The following IL12RB2 variants were observed in gnomAD, a reference collection of about 807,000 sequenced individuals.
IL12RB2 encodes the protein interleukin-12 receptor subunit beta-2.
IL12RB2 carries 82 observed loss-of-function variants against 89.4 expected under a neutral mutation model. The observed-to-expected ratio is 0.92, with a 90% CI of 0.77 to 1.10. The LOEUF (loss-of-function observed/expected upper bound fraction) is 1.10. Ranked by LOEUF, IL12RB2 falls within the 50% of genes least tolerant of loss-of-function variation. The pLI, the probability that IL12RB2 is intolerant of heterozygous loss-of-function variation, is 0.00. For synonymous variants in IL12RB2, 368 were observed against 370.1 expected, an observed-to-expected ratio of 0.99 and a Z score of 0.07; for missense variants, 963 against 1,031.9, an observed-to-expected ratio of 0.93 and a Z score of 0.92.
intron 4 of IL12RB2, among the ~76,000 whole-genome samples, chr1:67,325,246 G>A (rs1433528496): frequency 1.3e-5 from 2 of 152,296 alleles, no homozygotes; most frequent in South Asian, 2.1e-4. Context: ...GCCTCCAGTG[G>A]TTTTGTGTTG....
intron 1 of IL12RB2, among the ~76,000 whole-genome samples, chr1:67,313,026 T>C (rs768005544): frequency 1.3e-5 from 2 of 152,292 alleles, no homozygotes; most frequent in African/African-American, 2.4e-5. Flanking sequence ...GGGGCCGGTT[T>C]GATGATGGGG....
At chr1:67,326,132 G>A (rs1333610758) in intron 4 of IL12RB2, among the ~76,000 whole-genome samples, 3 of 152,166 alleles carry the variant, frequency 2.0e-5, no homozygotes, top group Non-Finnish European at 2.9e-5. Flanking sequence ...TAGCCCGGGA[G>A]GACATGACTG....
At chr1:67,314,806 G>A (rs1390381973) in intron 2 of IL12RB2, among the ~76,000 whole-genome samples, 4 of 152,064 alleles carry the variant, frequency 2.6e-5, no homozygotes, top group Non-Finnish European at 5.9e-5. Flanking sequence ...CCTACCGGTC[G>A]GTGTATTTCT....
intron 10 of IL12RB2, among the ~76,000 whole-genome samples, chr1:67,357,008 A>T: frequency 6.6e-6 from 1 of 152,208 alleles, no homozygotes; most frequent in Non-Finnish European, 1.5e-5. Context: ...TCAGCATGGA[A>T]TGTTTAGGGG....
At chr1:67,335,050 C>G (rs1025077924) in intron 8 of IL12RB2, among the ~76,000 whole-genome samples, 22 of 152,222 alleles carry the variant, frequency 1.4e-4, no homozygotes, top group African/African-American at 5.1e-4. Flanking sequence ...CTCTCCTTCA[C>G]TTGTTCTCCT....
chr1:67,333,570 T>C (rs1658380638), intron 8 of IL12RB2, among the ~76,000 whole-genome samples: 1 of 152,184 alleles, frequency 6.6e-6, no homozygotes, highest in Admixed American at 6.5e-5. Context: ...TAGGGCCCTT[T>C]ACTATGTCAT....
rs1355140635 is a variant in IL12RB2 at position 67,397,794 on chromosome 1, G to C, written c.*1705G>C. Among the ~76,000 whole-genome samples the C allele has an allele frequency of 6.6e-6, 1 of 152,194 alleles. No homozygotes were observed. The highest frequency in any genetic ancestry group is 1.5e-5 in the Non-Finnish European group (1 of 68,046). ...CCGTACCCCTTCCCACATGAACGCT[G>C]GAACTGAGATGGCTTCCCCATCATC... On this transcript the variant is annotated 3_prime_UTR_variant, in exon 17 of 17. Transcript: ENST00000674203.
Position 67,390,071 on chromosome 1 carries a change from C to A in IL12RB2, c.1989C>A (p.Ser663Arg). The change falls in exon 16 of 17, where the codon AGC becomes AGA. Residue 663 changes from serine to arginine, a missense_variant. By Grantham distance (110) the Ser-to-Arg change is moderately radical. Transcript: ENST00000674203. ...LLAALRPQWCSREIPDPANST... is the reference protein window; with the variant it reads ...LLAALRPQWCRREIPDPANST... ...CAGCCCTCAGACCTCAGTGGTGTAG[C>A]AGAGAAATTCCAGATCCAGCAAATA... 7.1e-7 allele frequency: 1 copy of A among 1,402,330 alleles called. No individual in the cohort carries two copies. Among genetic ancestry groups the A allele is most frequent in the Non-Finnish European group, 1.0e-6 (1 of 986,500 alleles). The allele number at this position is 1,402,330 out of a possible 1,614,324, so 86.9% of individuals were successfully genotyped here.
chr1:67,328,333 A>G lies in IL12RB2; in HGVS notation c.613A>G (p.Ser205Gly). Residue 205 changes from serine (S) to glycine (G), a missense_variant, in exon 6 of 17, where the codon AGT becomes GGT. By Grantham distance (56) the Ser-to-Gly change is moderately conservative. Transcript: ENST00000674203. ...CACAGCCAAGGTTACTGCTGTCAAT[A>G]GTCTTGGAAGCTCCTCTTCACTTCC... ...NFTAKVTAVN[S>G]LGSSSSLPST... The G allele has an allele frequency of 6.2e-7, 1 of 1,614,186 alleles. No individual in the cohort carries two copies. The highest frequency in any genetic ancestry group is 8.5e-7 in the Non-Finnish European group (1 of 1,180,028).
intron 16 of IL12RB2, among the ~76,000 whole-genome samples, chr1:67,394,780 C>T (rs1050593822): frequency 1.3e-5 from 2 of 152,150 alleles, no homozygotes; most frequent in Non-Finnish European, 2.9e-5. Flanking sequence ...TCCTCCTTGC[C>T]AGCACCTCCC....
chr1:67,371,971 C>T (rs576589355), intron 11 of IL12RB2, among the ~76,000 whole-genome samples: 1 of 152,316 alleles, frequency 6.6e-6, no homozygotes, highest in Admixed American at 6.5e-5. Context: ...TCCAGCCTCA[C>T]TTTCCTGTAA....
At chr1:67,393,957 T>C (rs1012031345) in intron 16 of IL12RB2, among the ~76,000 whole-genome samples, 2 of 152,128 alleles carry the variant, frequency 1.3e-5, no homozygotes, top group Non-Finnish European at 2.9e-5. Flanking sequence ...GCACAAAGTA[T>C]CACATGCCAA....
intron 13 of IL12RB2, among the ~76,000 whole-genome samples, chr1:67,373,878 T>G (rs761645321): frequency 1.3e-5 from 2 of 152,196 alleles, no homozygotes; most frequent in Non-Finnish European, 2.9e-5. Context: ...GATTTTCACC[T>G]GGGAAGCTTT....
rs548726737 is a variant in IL12RB2, at chr1:67,328,344, C to A, written c.624C>A (p.Ser208Arg). The A allele has an allele frequency of 6.2e-7, 1 of 1,614,176 alleles. No homozygotes were observed. The highest frequency in any genetic ancestry group is 2.2e-5 in the East Asian group (1 of 44,874). Reference protein sequence around the residue: ...AKVTAVNSLGSSSSLPSTFTF... With the variant: ...AKVTAVNSLGRSSSLPSTFTF... ...TTACTGCTGTCAATAGTCTTGGAAG[C>A]TCCTCTTCACTTCCATCCACATTCA... The change falls in exon 6 of 17, where the codon AGC (serine) becomes AGA (arginine). Residue 208 changes from serine to arginine, a missense_variant. Transcript: ENST00000674203.
intron 9 of IL12RB2, among the ~76,000 whole-genome samples, chr1:67,345,760 A>G (rs1184429369): frequency 4.6e-5 from 7 of 152,210 alleles, no homozygotes; most frequent in Non-Finnish European, 7.3e-5. Flanking sequence ...TTTGGAAAGA[A>G]AGGGCTGCTT....
chr1:67,360,349 A>C (rs781054682), intron 10 of IL12RB2, among the ~76,000 whole-genome samples: 1 of 151,840 alleles, frequency 6.6e-6, no homozygotes, highest in Non-Finnish European at 1.5e-5. Flanking sequence ...CAGTGAGCCA[A>C]GATGGCGCCA....
intron 9 of IL12RB2, among the ~76,000 whole-genome samples, chr1:67,341,125 C>A (rs2100763997): frequency 6.6e-6 from 1 of 152,314 alleles, no homozygotes; most frequent in South Asian, 2.1e-4. Flanking sequence ...AAGGGCAAGG[C>A]ACAGTGGCTT....
intron 10 of IL12RB2, among the ~76,000 whole-genome samples, chr1:67,358,050 T>C (rs1455842621): frequency 8.3e-6 from 1 of 120,350 alleles, no homozygotes; most frequent in Non-Finnish European, 1.9e-5. Flanking sequence ...CTCAACATAA[T>C]TTTTTTTTTC....
intron 14 of IL12RB2, among the ~76,000 whole-genome samples, chr1:67,385,503 G>A (rs184625845): frequency 2.0e-3 from 308 of 152,244 alleles, no homozygotes; most frequent in Admixed American, 3.3e-3. Context: ...TATCACCATG[G>A]CATTATGGCT....
Sources: gnomAD v4.1 joint callset for allele counts (sites outside exome capture counted in the v4.1 genomes callset) on GRCh38, gnomAD v4.1.1 for gene constraint, MANE v1.5 for transcripts, NCBI Gene and HGNC (gene_info 2026-07-23, HGNC 2026-07-21) for gene names.